The following ACOX3 variants were observed in gnomAD, a reference collection of about 807,000 sequenced individuals.
ACOX3 encodes acyl-CoA oxidase 3, pristanoyl, also known as peroxisomal acyl-coenzyme A oxidase 3.
A neutral mutation model predicts 81.5 loss-of-function variants in ACOX3; 73 were observed. That is an observed-to-expected ratio of 0.90 (90% CI 0.74 to 1.09). ACOX3 has a LOEUF of 1.09. Among genes scored for constraint, ACOX3 ranks in the 50% least tolerant of loss-of-function variants. The pLI is 0.00. For synonymous variants in ACOX3, 387 were observed against 375.1 expected, an observed-to-expected ratio of 1.03 and a Z score of -0.37; for missense variants, 947 against 928.0, an observed-to-expected ratio of 1.02 and a Z score of -0.27.
At position 8,400,350 on chromosome 4, in the gene ACOX3, G is replaced by A. The variant is rs188350548; in HGVS notation, c.777-698C>T. On this transcript the variant is annotated intron_variant, in intron 7 of 17. Coordinates refer to ENST00000356406, the MANE Select transcript of ACOX3 (RefSeq NM_003501.3). The surrounding 1 kb of genome is among the most constrained non-coding windows in gnomAD (Gnocchi z 4.4). Reference sequence around the variant, plus strand: ...ACTCCAGATATTCAACAGAAAAGACGGGAACTGTGTTTCCAAAGATTGGAA... The same window carrying A: ...ACTCCAGATATTCAACAGAAAAGACAGGAACTGTGTTTCCAAAGATTGGAA... 3.4e-4 allele frequency among the ~76,000 whole-genome samples: 51 copies of A among 151,952 alleles called. 1 individual carries two copies. Among genetic ancestry groups the A allele is most frequent in the Admixed American group, 7.2e-4 (11 of 15,242 alleles).
chr4:8,364,770 T>G (rs1197150017), downstream of ACOX3, among the ~76,000 whole-genome samples: 2 of 152,214 alleles, frequency 1.3e-5, no homozygotes, highest in Non-Finnish European at 2.9e-5. The surrounding 1 kb of genome is among the most constrained non-coding windows in gnomAD (Gnocchi z 5.0). Context: ...ACAGGTAGTT[T>G]CAGACCAAAG....
intron 7 of ACOX3, among the ~76,000 whole-genome samples, chr4:8,404,539 C>T (rs1172810634): frequency 2.7e-5 from 4 of 149,416 alleles, no homozygotes; most frequent in Non-Finnish European, 5.9e-5. Context: ...TCAAGATTTT[C>T]CTCTTTAGTA....
chr4:8,395,742 G>A (rs1444006377), intron 9 of ACOX3, among the ~76,000 whole-genome samples: 2 of 152,232 alleles, frequency 1.3e-5, no homozygotes, highest in Non-Finnish European at 2.9e-5. Context: ...CCAGAGTGCT[G>A]TGACCACACA....
intron 1 of ACOX3, among the ~76,000 whole-genome samples, chr4:8,418,579 AC>A (rs1722595591): frequency 6.6e-6 from 1 of 152,196 alleles, no homozygotes; most frequent in Non-Finnish European, 1.5e-5. Flanking sequence ...GCCAAAAAAT[AC>A]AGGAAAGGCC....
chr4:8,426,167 T>C (rs976726109), intron 1 of ACOX3, among the ~76,000 whole-genome samples: 3 of 151,894 alleles, frequency 2.0e-5, no homozygotes, highest in Non-Finnish European at 4.4e-5. Flanking sequence ...CTTAGCCAAA[T>C]ATCAACAAGT....
At chr4:8,421,942 G>T (rs988116010) in intron 1 of ACOX3, among the ~76,000 whole-genome samples, 84 of 152,180 alleles carry the variant, frequency 5.5e-4, no homozygotes, top group African/African-American at 1.9e-3. Flanking sequence ...CCTTGGCCAG[G>T]GCCTTAGAAT....
Position 8,405,591 on chromosome 4 carries a change from G to A in ACOX3, c.776+364C>T, listed in dbSNP as rs1720842381. On this transcript the variant is annotated intron_variant, in intron 7 of 17. Coordinates refer to ENST00000356406, the MANE Select transcript of ACOX3 (RefSeq NM_003501.3). The surrounding 1 kb of genome is among the most constrained non-coding windows in gnomAD (Gnocchi z 7.1). Reference sequence around the variant, plus strand: ...TGGGTCCCTCGAGATCAGCATGGATGTGTGCAGAGGCCGAGCCGGGGGAGG... The same window carrying A: ...TGGGTCCCTCGAGATCAGCATGGATATGTGCAGAGGCCGAGCCGGGGGAGG... Among the ~76,000 whole-genome samples the A allele has an allele frequency of 2.0e-5, 3 of 152,258 alleles. No individual in the cohort carries two copies. Among genetic ancestry groups the A allele is most frequent in the Non-Finnish European group, 4.4e-5 (3 of 68,050 alleles).
intron 13 of ACOX3, among the ~76,000 whole-genome samples, chr4:8,388,618 T>C (rs983566874): frequency 6.6e-6 from 1 of 152,224 alleles, no homozygotes; most frequent in Admixed American, 6.5e-5. Context: ...CAGGAGGCTG[T>C]CCGTGGCCAG....
rs1260061505 is a variant in ACOX3 at position 8,375,048 on chromosome 4, G to C, written c.1758C>G (p.Ala586=). ...ACAGAGCACTGAGCCGCCCCAGCACGGCCCGCAGCGAGGGCGGCACGGAAG... is the reference window on the plus strand; with the variant it reads ...ACAGAGCACTGAGCCGCCCCAGCACCGCCCGCAGCGAGGGCGGCACGGAAG... ...HQPSVPPSLR[A]VLGRLSALYA... The change falls in exon 15 of 18, where the codon GCC becomes GCG. Residue 586 remains alanine (A), a synonymous_variant. Transcript: ENST00000356406. 1.9e-6 allele frequency: 3 copies of C among 1,554,680 alleles called. No individual in the cohort carries two copies. The highest frequency in any genetic ancestry group is 2.6e-6 in the Non-Finnish European group (3 of 1,148,996).
In ACOX3 at chr4:8,400,738, T is replaced by A. The variant is rs6845969; in HGVS notation, c.777-1086A>T. 0.71 allele frequency among the ~76,000 whole-genome samples: 108,184 copies of A among 152,068 alleles called. 39,326 individuals are homozygous for A. The highest frequency in any genetic ancestry group is 0.86 in the African/African-American group (35,524 of 41,502). On this transcript the variant is annotated intron_variant, in intron 7 of 17. Coordinates refer to ENST00000356406, the MANE Select transcript of ACOX3 (RefSeq NM_003501.3). This position sits in a 1 kb window ranked among gnomAD's most constrained non-coding sequence, Gnocchi z 4.4. ...TATAGCAACTTGTCTGATTCCTAAG[T>A]TCACTTGCAATGCCTTAGGGCAGCA...
chr4:8,420,861 G>A (rs886420550), intron 1 of ACOX3, among the ~76,000 whole-genome samples: 8 of 152,146 alleles, frequency 5.3e-5, no homozygotes, highest in African/African-American at 1.4e-4. Flanking sequence ...GCTCCCAATC[G>A]GGCTAGAGGC....
At chr4:8,375,314 A>G (rs1443096284) in intron 14 of ACOX3, among the ~76,000 whole-genome samples, 162 bp from the exon 15 acceptor site, 1 of 152,222 alleles carries the variant, frequency 6.6e-6, no homozygotes, top group Non-Finnish European at 1.5e-5. Context: ...GCGCAGCACG[A>G]GACATGTTTC....
rs1378338838 is a variant in ACOX3 at position 8,385,386 on chromosome 4, G to A, written c.1538-3779C>T. ...CACGTGACCTCACCACTCACCCCAT[G>A]TGACCCCACTGCTCACACATGACCC... On this transcript the variant is annotated intron_variant, in intron 13 of 17. Coordinates refer to ENST00000356406, the MANE Select transcript of ACOX3 (RefSeq NM_003501.3). This position sits in a 1 kb window ranked among gnomAD's most constrained non-coding sequence, Gnocchi z 5.5. Among the ~76,000 whole-genome samples the A allele has an allele frequency of 6.6e-6, 1 of 151,956 alleles. No homozygotes were observed. The highest frequency in any genetic ancestry group is 1.5e-5 in the Non-Finnish European group (1 of 67,986).
At chr4:8,397,168 CTTGG>C in intron 8 of ACOX3, 49 bp from the exon 9 acceptor site, 1 of 1,485,622 alleles carries the variant, frequency 6.7e-7, no homozygotes, top group Non-Finnish European at 8.9e-7. Context: ...GCGCGGCCAC[CTTGG>C]GCAGAGTGGC....
intron 17 of ACOX3, 64 bp from the exon 18 acceptor site, chr4:8,367,144 G>GC (rs1715558792): frequency 1.3e-6 from 2 of 1,581,168 alleles, no homozygotes; most frequent in South Asian, 2.3e-5. Context: ...TTCCTAGACG[G>GC]CTGAGTGTGC....
rs781605707 is a variant in ACOX3 at position 8,376,113 on chromosome 4, C to T, written c.1654-961G>A. The stretch of plus-strand genomic sequence containing the variant: ...CAAGCTGCCCTCCACGGTGGCTGAA[C>T]GAATCTGCGTTCCCACCAACCGTGT... On this transcript the variant is annotated intron_variant, in intron 14 of 17. Transcript: ENST00000356406. Among the ~76,000 whole-genome samples the T allele has an allele frequency of 3.3e-5, 5 of 152,298 alleles. No homozygotes were observed. In the South Asian group the frequency reaches 6.2e-4, roughly 19 times the overall value.
At chr4:8,369,810 A>G (rs1715930533) in intron 17 of ACOX3, among the ~76,000 whole-genome samples, 1 of 152,218 alleles carries the variant, frequency 6.6e-6, no homozygotes, top group South Asian at 2.1e-4. Context: ...CAGGTGCTTC[A>G]GCAGAAATAA....
At position 8,367,079 on chromosome 4, in the gene ACOX3, A is replaced by G. The variant is rs773709374; in HGVS notation, c.1985T>C (p.Leu662Pro). Residue 662 changes from leucine to proline, a missense_variant and splice_region_variant, in exon 18 of 18, where the codon CTC (leucine) becomes CCC (proline). By Grantham distance (98) the Leu-to-Pro change is moderately conservative (BLOSUM62 -3). Transcript: ENST00000356406. ...GACAGCGCCCCAGAGGTTTTTGTAG[A>G]GCTGCAAACAACACGTACACAGCAA... ...DSPIGRADGE[L>P]YKNLWGAVLQ... The G allele has an allele frequency of 1.9e-6, 3 of 1,613,764 alleles. No individual in the cohort carries two copies. The highest frequency in any genetic ancestry group is 2.5e-6 in the Non-Finnish European group (3 of 1,179,882).
intron 9 of ACOX3, among the ~76,000 whole-genome samples, chr4:8,395,409 TG>T (rs1453344137): frequency 4.1e-5 from 1 of 24,186 alleles, no homozygotes; most frequent in Non-Finnish European, 7.7e-5. Flanking sequence ...GATGCATGGA[TG>T]GGTGGGTGGG....
Sources: gnomAD v4.1 joint callset for allele counts (sites outside exome capture counted in the v4.1 genomes callset) on GRCh38, gnomAD v4.1.1 for gene constraint, Gnocchi (gnomAD v3.1) non-coding constraint, MANE v1.5 for transcripts, NCBI Gene and HGNC (gene_info 2026-07-23, HGNC 2026-07-21) for gene names.